Variants in TAB2 observed in about 807,000 individuals in gnomAD.
The protein encoded by TAB2 is TGF-beta-activated kinase 1 and MAP3K7-binding protein 2.
A neutral mutation model predicts 65.0 loss-of-function variants in TAB2; 3 were observed. The observed-to-expected ratio is 0.05, with a 90% CI of 0.02 to 0.12. The LOEUF is 0.12. Ranked by LOEUF, TAB2 falls within the 10% of genes least tolerant of loss-of-function variation. The probability of loss-of-function intolerance (pLI) is 1.00; values close to 1 mark genes in which losing one functional copy is unlikely to be tolerated. For missense variants in TAB2, 623 were observed against 840.3 expected (o/e 0.74, Z 3.20); for synonymous variants, 298 against 285.1 (o/e 1.05, Z -0.46).
At chr6:149,240,964 G>A (rs971498365) in intron 1 of TAB2, among the ~76,000 whole-genome samples, 34 of 152,066 alleles carry the variant, frequency 2.2e-4, no homozygotes, top group Admixed American at 7.2e-4. Flanking sequence ...AAATTAAGTC[G>A]TAAGGGTGGG....
chr6:149,400,371 G>A, intron 6 of TAB2: 1 of 1,611,702 alleles, frequency 6.2e-7, no homozygotes, highest in Non-Finnish European at 8.5e-7. Flanking sequence ...AGCAGCAGCT[G>A]AGGAGACTCC....
intron 1 of TAB2, among the ~76,000 whole-genome samples, chr6:149,345,768 A>C (rs1236795221): frequency 6.6e-6 from 1 of 152,202 alleles, no homozygotes; most frequent in Admixed American, 6.5e-5. Flanking sequence ...TTTTAATATA[A>C]TGCATCTTTT....
chr6:149,280,066 A>G (rs1314721474), intron 1 of TAB2, among the ~76,000 whole-genome samples: 1 of 152,190 alleles, frequency 6.6e-6, no homozygotes, highest in East Asian at 1.9e-4. Flanking sequence ...ATTGCTATAT[A>G]TACTTCCTAA....
intron 1 of TAB2, among the ~76,000 whole-genome samples, chr6:149,293,430 T>C (rs1183989809): frequency 1.3e-5 from 2 of 152,238 alleles, no homozygotes; most frequent in East Asian, 3.8e-4. Flanking sequence ...AATTCACTTC[T>C]TATGTGTGTT....
intron 1 of TAB2, among the ~76,000 whole-genome samples, chr6:149,288,599 T>G (rs1157139208): frequency 6.6e-6 from 1 of 152,192 alleles, no homozygotes; most frequent in Non-Finnish European, 1.5e-5. Context: ...AGTGAAAAGC[T>G]TAACTCCAGA....
At chr6:149,265,573 C>A (rs6906793) in intron 1 of TAB2, among the ~76,000 whole-genome samples, 3 of 151,786 alleles carry the variant, frequency 2.0e-5, no homozygotes, top group Non-Finnish European at 2.9e-5. Context: ...CCCCTGCAAC[C>A]ACTCACCCCT....
rs74526167 is a variant in TAB2 at position 149,394,782 on chromosome 6, A to G, written c.1604-2822A>G. Among the ~76,000 whole-genome samples, 1,146 of 152,322 alleles carry G rather than the reference A, an allele frequency of 7.5e-3. 9 individuals carry two copies. Among genetic ancestry groups the G allele is most frequent in the African/African-American group, 0.026 (1,099 of 41,564 alleles). On this transcript the variant is annotated intron_variant, in intron 3 of 6. Coordinates refer to ENST00000637181, the MANE Select transcript of TAB2 (RefSeq NM_001292034.3). Reference sequence around the variant, plus strand: ...CTTTTATTTTGAACCTGTCTGTGCTATGATAGATCCCCATTTTATTCAGAG... The same window carrying G: ...CTTTTATTTTGAACCTGTCTGTGCTGTGATAGATCCCCATTTTATTCAGAG...
At chr6:149,396,804 AT>A (rs2114939430) in intron 3 of TAB2, among the ~76,000 whole-genome samples, 1 of 152,366 alleles carries the variant, frequency 6.6e-6, no homozygotes, top group East Asian at 1.9e-4. Context: ...GGATAATTTA[AT>A]GTTAACATTT....
chr6:149,360,629 C>T (rs1395814320), intron 1 of TAB2, among the ~76,000 whole-genome samples: 1 of 152,136 alleles, frequency 6.6e-6, no homozygotes, highest in Non-Finnish European at 1.5e-5. Flanking sequence ...TTATTCCGCC[C>T]CTGCCTCTCA....
chr6:149,262,319 G>C (rs1453367349), intron 1 of TAB2, among the ~76,000 whole-genome samples: 1 of 152,200 alleles, frequency 6.6e-6, no homozygotes, highest in Non-Finnish European at 1.5e-5. Flanking sequence ...GATCACTTGA[G>C]ATCAGGAGTT....
At chr6:149,357,430 A>AAAAAAACACACACACACTC in intron 1 of TAB2, among the ~76,000 whole-genome samples, 1 of 111,146 alleles carries the variant, frequency 9.0e-6, no homozygotes, top group Non-Finnish European at 1.8e-5. Flanking sequence ...AGAAAAAAAA[A>AAAAAAACACACACACACTC]ACACACACAC....
At chr6:149,248,941 C>T (rs1777797695) in intron 1 of TAB2, among the ~76,000 whole-genome samples, 2 of 152,168 alleles carry the variant, frequency 1.3e-5, no homozygotes, top group Admixed American at 1.3e-4. Flanking sequence ...CACCCTCTCC[C>T]ACGCCTCACC....
At chr6:149,253,469 C>T (rs1378773468) in intron 1 of TAB2, among the ~76,000 whole-genome samples, 2 of 151,720 alleles carry the variant, frequency 1.3e-5, no homozygotes, top group Non-Finnish European at 2.9e-5. Context: ...AGAAACCACA[C>T]AACCATCAAA....
intron 3 of TAB2, among the ~76,000 whole-genome samples, chr6:149,388,844 C>G (rs1040127523): frequency 3.3e-5 from 5 of 151,608 alleles, no homozygotes; most frequent in Non-Finnish European, 5.9e-5. Flanking sequence ...AAATTTTTTA[C>G]TTTTACATAT....
chr6:149,264,576 G>A (rs1012655757), intron 1 of TAB2, among the ~76,000 whole-genome samples: 2 of 152,096 alleles, frequency 1.3e-5, no homozygotes, highest in Non-Finnish European at 2.9e-5. Context: ...TCCACCACCC[G>A]AGTACAGTGC....
chr6:149,297,514 A>G (rs551899933), intron 1 of TAB2, among the ~76,000 whole-genome samples: 1 of 152,116 alleles, frequency 6.6e-6, no homozygotes, highest in Non-Finnish European at 1.5e-5. Context: ...TTTTAAATAC[A>G]TATATATGCA....
chr6:149,381,134 A>G (rs1781593512), intron 3 of TAB2, among the ~76,000 whole-genome samples: 1 of 152,224 alleles, frequency 6.6e-6, no homozygotes. Flanking sequence ...AAACTTAAGT[A>G]AAGTGAATCC....
At chr6:149,273,732 C>T (rs1194351893) in intron 1 of TAB2, among the ~76,000 whole-genome samples, 1 of 152,178 alleles carries the variant, frequency 6.6e-6, no homozygotes, top group Non-Finnish European at 1.5e-5. Flanking sequence ...TGGGATTGTG[C>T]CCCTACTTTG....
intron 3 of TAB2, among the ~76,000 whole-genome samples, chr6:149,382,911 T>C (rs1053989601): frequency 3.3e-5 from 5 of 152,182 alleles, no homozygotes; most frequent in Non-Finnish European, 5.9e-5. Flanking sequence ...CCCAGCACTT[T>C]GGAAGACCGA....
Sources: gnomAD v4.1 joint callset for allele counts (sites outside exome capture counted in the v4.1 genomes callset) on GRCh38, gnomAD v4.1.1 for gene constraint, MANE v1.5 for transcripts, NCBI Gene and HGNC (gene_info 2026-07-23, HGNC 2026-07-21) for gene names.